Variants in WWOX observed in about 807,000 individuals in gnomAD.
WWOX encodes the protein WW domain-containing oxidoreductase.
In WWOX, 69 loss-of-function variants were observed where a neutral mutation model predicts 46.2. The ratio of observed to expected loss-of-function variants is 1.49; its 90% confidence interval spans 1.23 to 1.82. The LOEUF (loss-of-function observed/expected upper bound fraction) is 1.82. WWOX is among the 40% of genes most tolerant of loss of function. WWOX has a pLI of 0.00. For missense variants in WWOX, 919 were observed against 542.6 expected (o/e 1.69, Z -6.89); for synonymous variants, 359 against 202.6 (o/e 1.77, Z -6.56).
chr16:78,406,291 C>CATATAAATATAA lies in WWOX; in HGVS notation c.606-18573_606-18562dup, dbSNP rs749138794. Reference sequence around the variant, plus strand: ...TGATATAATTTCCATTACATTACAGCATATAAATATAAATATATATATATA... The same window carrying CATATAAATATAA: ...TGATATAATTTCCATTACATTACAGCATATAAATATAAATATAAATATAAATATATATATATA... On this transcript the variant is annotated intron_variant, in intron 6 of 8. Transcript: ENST00000566780. 3.5e-4 allele frequency among the ~76,000 whole-genome samples: 33 copies of CATATAAATATAA among 93,140 alleles called. 2 individuals carry two copies. In the East Asian group the frequency reaches 8.5e-3, roughly 24 times the overall value. 61.1% of individuals were successfully genotyped at this position (93,140 alleles called of 152,430 possible).
At chr16:78,942,335 G>A (rs1322209383) in intron 8 of WWOX, among the ~76,000 whole-genome samples, 1 of 152,138 alleles carries the variant, frequency 6.6e-6, no homozygotes, top group African/African-American at 2.4e-5. Context: ...CAAGCTGATT[G>A]AAAAGTCAAG....
At chr16:78,923,778 G>T (rs1316505792) in intron 8 of WWOX, among the ~76,000 whole-genome samples, 1 of 146,358 alleles carries the variant, frequency 6.8e-6, no homozygotes, top group African/African-American at 2.5e-5. Flanking sequence ...TGATTGCTAG[G>T]AACTGTTTTT....
intron 8 of WWOX, among the ~76,000 whole-genome samples, chr16:78,631,300 C>T (rs1435167864): frequency 1.3e-5 from 2 of 152,062 alleles, no homozygotes; most frequent in African/African-American, 4.8e-5. Flanking sequence ...TGTGTCAAGG[C>T]CTCACCACAT....
chr16:78,328,733 C>T (rs1164233564), intron 5 of WWOX, among the ~76,000 whole-genome samples: 1 of 152,150 alleles, frequency 6.6e-6, no homozygotes, highest in Non-Finnish European at 1.5e-5. Context: ...CTGAAAAGTG[C>T]TCTTGAAGCC....
intron 8 of WWOX, among the ~76,000 whole-genome samples, chr16:78,908,949 A>G (rs2045038207): frequency 6.6e-6 from 1 of 152,222 alleles, no homozygotes; most frequent in African/African-American, 2.4e-5. Flanking sequence ...CCTAATTTCT[A>G]ATCTTGTGGC....
chr16:78,313,791 A>G (rs2080298023), intron 5 of WWOX, among the ~76,000 whole-genome samples: 1 of 152,190 alleles, frequency 6.6e-6, no homozygotes, highest in African/African-American at 2.4e-5. Context: ...TAGAGAGGCC[A>G]TCAGAATTTG....
chr16:79,176,022 G>T (rs754735541), intron 8 of WWOX, among the ~76,000 whole-genome samples: 1 of 152,140 alleles, frequency 6.6e-6, no homozygotes, highest in East Asian at 1.9e-4. Flanking sequence ...TATGAAACTG[G>T]ATTTTCCCTT....
At chr16:78,194,171 T>C (rs2035974630) in intron 5 of WWOX, among the ~76,000 whole-genome samples, 1 of 151,990 alleles carries the variant, frequency 6.6e-6, no homozygotes, top group South Asian at 2.1e-4. Context: ...AGCAACTTAA[T>C]TTAATTTTTT....
intron 6 of WWOX, among the ~76,000 whole-genome samples, chr16:78,388,192 T>G (rs959505123): frequency 4.6e-5 from 7 of 152,168 alleles, no homozygotes; most frequent in Non-Finnish European, 1.0e-4. Context: ...CACCATGGCC[T>G]GCTAATTTTT....
At chr16:78,392,029 ATGCAACAGATTTAAGGGACCAGGGTG>A (rs1567545102) in intron 6 of WWOX, among the ~76,000 whole-genome samples, 3 of 149,720 alleles carry the variant, frequency 2.0e-5, no homozygotes, top group African/African-American at 7.4e-5. Context: ...ATTTCTTTTA[ATGCAACAGATTTAAGGGACCAGGGTG>A]TTCTCTAGAG....
At chr16:78,588,909 C>T (rs2045285668) in intron 8 of WWOX, among the ~76,000 whole-genome samples, 1 of 152,110 alleles carries the variant, frequency 6.6e-6, no homozygotes, top group East Asian at 1.9e-4. Context: ...GGAGGAACTT[C>T]TCAGGAAGAA....
chr16:78,691,023 A>T (rs561157705), intron 8 of WWOX, among the ~76,000 whole-genome samples: 1 of 152,228 alleles, frequency 6.6e-6, no homozygotes, highest in Non-Finnish European at 1.5e-5. Context: ...TCCACTAAGC[A>T]GACATACTCG....
chr16:78,354,923 C>T (rs2151908894), intron 5 of WWOX, among the ~76,000 whole-genome samples: 1 of 152,168 alleles, frequency 6.6e-6, no homozygotes, highest in East Asian at 1.9e-4. Flanking sequence ...CACCTGAGGT[C>T]AGGAATTCAA....
intron 5 of WWOX, among the ~76,000 whole-genome samples, chr16:78,166,250 A>G (rs1011664458): frequency 6.6e-6 from 1 of 151,950 alleles, no homozygotes; most frequent in Non-Finnish European, 1.5e-5. Context: ...GCTGTATAAT[A>G]TTCCATCATG....
intron 8 of WWOX, among the ~76,000 whole-genome samples, chr16:78,549,270 G>A (rs1269263731): frequency 2.6e-5 from 4 of 152,150 alleles, no homozygotes; most frequent in Admixed American, 2.6e-4. Context: ...CATTCTTCAC[G>A]TCTCAGATAT....
chr16:78,872,482 G>A (rs376450582), intron 8 of WWOX, among the ~76,000 whole-genome samples: 2 of 152,192 alleles, frequency 1.3e-5, no homozygotes, highest in East Asian at 3.9e-4. Flanking sequence ...GGGGGATAAA[G>A]GGGCTGTGGT....
At chr16:78,148,761 G>C (rs911977148) in intron 4 of WWOX, among the ~76,000 whole-genome samples, 12 of 151,976 alleles carry the variant, frequency 7.9e-5, no homozygotes, top group African/African-American at 2.9e-4. Flanking sequence ...AGCTGGGCAT[G>C]GTGGCGGGCG....
chr16:78,479,580 G>A (rs970172592), intron 8 of WWOX, among the ~76,000 whole-genome samples: 4 of 152,158 alleles, frequency 2.6e-5, no homozygotes, highest in Non-Finnish European at 4.4e-5. Flanking sequence ...ATGGAGATAA[G>A]ACATGTCCCA....
intron 6 of WWOX, among the ~76,000 whole-genome samples, chr16:78,387,494 G>A (rs1040385539): frequency 1.3e-5 from 2 of 151,874 alleles, no homozygotes; most frequent in African/African-American, 4.8e-5. Context: ...GTTGGAGAAA[G>A]CCTTAGTTAG....
Sources: gnomAD v4.1 joint callset for allele counts (sites outside exome capture counted in the v4.1 genomes callset) on GRCh38, gnomAD v4.1.1 for gene constraint, MANE v1.5 for transcripts, NCBI Gene and HGNC (gene_info 2026-07-23, HGNC 2026-07-21) for gene names.